Variants in TYW1 observed in about 807,000 individuals in gnomAD.
TYW1 encodes tRNA-yW synthesizing protein 1 homolog, also known as S-adenosyl-L-methionine-dependent tRNA 4-demethylwyosine synthase TYW1.
A neutral mutation model predicts 96.2 loss-of-function variants in TYW1; 46 were observed. The observed-to-expected ratio is 0.48, with a 90% CI of 0.38 to 0.61. The LOEUF (loss-of-function observed/expected upper bound fraction) is 0.61. TYW1 is among the 20% of genes least tolerant of loss of function. The pLI is 0.00. For missense variants in TYW1, 684 were observed against 909.6 expected (o/e 0.75, Z 3.19); for synonymous variants, 274 against 323.0 (o/e 0.85, Z 1.63).
rs552006702 is a variant in TYW1, at chr7:67,000,917, A to G, written c.273+1963A>G. On this transcript the variant is annotated intron_variant, in intron 3 of 15. Transcript: ENST00000359626. ...AGGTTTTCACTACTTGAGTGCAGAT[A>G]CTTTGCTTCATTTTACAGTCGAAGG... Among the ~76,000 whole-genome samples the G allele has an allele frequency of 1.8e-4, 27 of 152,194 alleles. No individual in the cohort carries two copies. In the East Asian group the frequency reaches 5.0e-3, roughly 28 times the overall value.
chr7:67,215,020 G>T (rs576389290), intron 15 of TYW1, among the ~76,000 whole-genome samples: 1 of 149,018 alleles, frequency 6.7e-6, no homozygotes, highest in East Asian at 1.9e-4. Flanking sequence ...TCATAGAATG[G>T]GTTAGGAAGT....
chr7:67,064,309 C>T (rs912260449), intron 9 of TYW1, among the ~76,000 whole-genome samples: 3 of 152,174 alleles, frequency 2.0e-5, no homozygotes, highest in Non-Finnish European at 4.4e-5. Context: ...TATATTGTTG[C>T]AGTTATCAAG....
At chr7:67,207,033 GGCCAGAAAC>G (rs1164710577) in intron 15 of TYW1, among the ~76,000 whole-genome samples, 1 of 151,908 alleles carries the variant, frequency 6.6e-6, no homozygotes, top group Non-Finnish European at 1.5e-5. Context: ...GTATTTCTTT[GGCCAGAAAC>G]GCCCTCCTTT....
At chr7:67,202,917 G>A (rs1800648187) in intron 15 of TYW1, among the ~76,000 whole-genome samples, 1 of 152,158 alleles carries the variant, frequency 6.6e-6, no homozygotes, top group Non-Finnish European at 1.5e-5. Flanking sequence ...CAGTGATAAC[G>A]TCTTACGTGA....
chr7:67,045,420 G>A (rs1359796036), intron 7 of TYW1, among the ~76,000 whole-genome samples: 1 of 151,914 alleles, frequency 6.6e-6, no homozygotes. Context: ...ATCTCACTAT[G>A]TTGCCCAGGC....
rs1800047243 is a variant in TYW1, at chr7:67,187,044, A to G, written c.1809+3808A>G. 2.8e-5 allele frequency among the ~76,000 whole-genome samples: 4 copies of G among 143,760 alleles called. No individual in the cohort carries two copies. The Admixed American group carries it at 3.0e-4, about 11-fold the overall frequency. The allele number at this position is 143,760 out of a possible 152,430, so 94.3% of individuals were successfully genotyped here. On this transcript the variant is annotated intron_variant, in intron 14 of 15. Coordinates refer to ENST00000359626, the MANE Select transcript of TYW1 (RefSeq NM_018264.4). ...AAAACTCTTGGAGAAATGTATAACC[A>G]CAATTAAATTTTTTTTTTTTTTTTT...
At chr7:67,172,152 CTT>C (rs1411650708) in intron 13 of TYW1, among the ~76,000 whole-genome samples, 1 of 151,566 alleles carries the variant, frequency 6.6e-6, no homozygotes, top group African/African-American at 2.4e-5. Context: ...TATTTTTTTG[CTT>C]TCTTTTGTTT....
At chr7:67,218,672 C>CTGTTTT (rs569622748) in intron 15 of TYW1, among the ~76,000 whole-genome samples, 1 of 152,092 alleles carries the variant, frequency 6.6e-6, no homozygotes, top group Non-Finnish European at 1.5e-5. Flanking sequence ...GTTTATGAAC[C>CTGTTTT]TGTTTTTGTT....
At chr7:67,193,446 G>A (rs986743559) in intron 14 of TYW1, among the ~76,000 whole-genome samples, 1 of 152,074 alleles carries the variant, frequency 6.6e-6, no homozygotes, top group Admixed American at 6.6e-5. Flanking sequence ...GGGTCACTCT[G>A]CTCATTTGTT....
chr7:67,060,422 A>C (rs1372952200), intron 9 of TYW1, among the ~76,000 whole-genome samples: 2 of 152,206 alleles, frequency 1.3e-5, no homozygotes, highest in Non-Finnish European at 2.9e-5. Flanking sequence ...TTAATATGAC[A>C]ATGTCAGTTT....
At position 67,238,469 on chromosome 7, in the gene TYW1, T is replaced by C; in HGVS notation, c.2139T>C (p.Phe713=). ...TATTTGGTGCCAGTGAAAGAGGCTTTGATCCCAAGGACACAAGACATCAGA... is the reference window on the plus strand; with the variant it reads ...TATTTGGTGCCAGTGAAAGAGGCTTCGATCCCAAGGACACAAGACATCAGA... ...WALFGASERG[F]DPKDTRHQRK... The change falls in exon 16 of 16, where the codon TTT becomes TTC. Residue 713 remains phenylalanine (F), a synonymous_variant. Transcript: ENST00000359626. The C allele has an allele frequency of 1.9e-6, 3 of 1,613,972 alleles. No homozygotes were observed. The highest frequency in any genetic ancestry group is 2.5e-6 in the Non-Finnish European group (3 of 1,179,872).
intron 10 of TYW1, among the ~76,000 whole-genome samples, chr7:67,071,681 C>T (rs1796035523): frequency 1.3e-5 from 2 of 151,882 alleles, no homozygotes; most frequent in Admixed American, 6.6e-5. Context: ...AGTGCAGTGG[C>T]ACAATCTCAG....
At chr7:67,060,837 G>C (rs1795672823) in intron 9 of TYW1, among the ~76,000 whole-genome samples, 1 of 152,166 alleles carries the variant, frequency 6.6e-6, no homozygotes, top group Admixed American at 6.5e-5. Flanking sequence ...TTTTTCTTCT[G>C]GTTTGTAGTT....
At chr7:67,094,993 A>C (rs1796848000) in intron 11 of TYW1, among the ~76,000 whole-genome samples, 1 of 148,896 alleles carries the variant, frequency 6.7e-6, no homozygotes, top group Non-Finnish European at 1.5e-5. Context: ...AATGCTGTAT[A>C]AACTGCATGA....
At chr7:67,153,925 CTT>C (rs34003922) in intron 13 of TYW1, among the ~76,000 whole-genome samples, 3 of 130,354 alleles carry the variant, frequency 2.3e-5, no homozygotes, top group Non-Finnish European at 3.2e-5. Context: ...TAACGACTTT[CTT>C]TTTTTTTTTT....
chr7:67,113,543 G>A (rs990473411), intron 12 of TYW1, among the ~76,000 whole-genome samples: 24 of 152,238 alleles, frequency 1.6e-4, no homozygotes, highest in African/African-American at 5.8e-4. Flanking sequence ...TTGCCATCAT[G>A]GTGCAGAGTT....
At position 67,238,960 on chromosome 7, in the gene TYW1, C is replaced by T. The variant is rs1182821834; in HGVS notation, c.*431C>T. On this transcript the variant is annotated 3_prime_UTR_variant, in exon 16 of 16. Coordinates refer to ENST00000359626, the MANE Select transcript of TYW1 (RefSeq NM_018264.4). The stretch of plus-strand genomic sequence containing the variant: ...TAGCATTGAATTGCACTACCCTGAG[C>T]TAAACGTGTCTGTGCTTTCTAAGAT... The T allele has an allele frequency of 1.0e-6, 1 of 1,002,474 alleles. No homozygotes were observed. Among genetic ancestry groups the T allele is most frequent in the Non-Finnish European group, 1.2e-6 (1 of 838,320 alleles). 62.1% of individuals were successfully genotyped at this position (1,002,474 alleles called of 1,614,324 possible). A position where few individuals can be genotyped will look rare whatever the true frequency, so the allele number is the denominator to read the frequency against.
intron 6 of TYW1, among the ~76,000 whole-genome samples, 168 bp downstream of exon 6, chr7:67,018,311 G>C (rs1054618770): frequency 1.7e-4 from 26 of 152,054 alleles, no homozygotes; most frequent in Admixed American, 1.3e-4. Flanking sequence ...GACCAAGGTG[G>C]GGGTATTGCT....
chr7:67,054,147 G>T (rs2115580051), intron 8 of TYW1, among the ~76,000 whole-genome samples: 1 of 152,248 alleles, frequency 6.6e-6, no homozygotes, highest in East Asian at 1.9e-4. Context: ...AAGTAGGATT[G>T]TAAATCCTCT....
Sources: allele counts gnomAD v4.1 joint callset (sites outside exome capture counted in the v4.1 genomes callset), GRCh38; gene constraint gnomAD v4.1.1; transcripts MANE v1.5; gene names NCBI Gene and HGNC (gene_info 2026-07-23, HGNC 2026-07-21).